INPP5F: variants seen among roughly 807,000 people sequenced by gnomAD.
The protein encoded by INPP5F is phosphatidylinositide 4-phosphatase SAC2.
INPP5F carries 97 observed loss-of-function variants against 137.2 expected under a neutral mutation model. That is an observed-to-expected ratio of 0.71 (90% confidence interval 0.60 to 0.84). INPP5F has a LOEUF of 0.84. INPP5F is among the 40% of genes least tolerant of loss of function. The pLI, the probability that INPP5F is intolerant of heterozygous loss-of-function variation, is 0.00. For missense variants in INPP5F, 1,271 were observed against 1,371.9 expected (o/e 0.93, Z 1.16); for synonymous variants, 504 against 476.9 (o/e 1.06, Z -0.74).
intron 1 of INPP5F, among the ~76,000 whole-genome samples, 197 bp downstream of exon 1, chr10:119,726,556 C>T (rs1019994004): frequency 6.6e-6 from 1 of 152,216 alleles, no homozygotes; most frequent in Non-Finnish European, 1.5e-5. Context: ...GCGCCGAGCC[C>T]CTACCCCAGT....
chr10:119,797,573 A>G lies in INPP5F; in HGVS notation c.981A>G (p.Arg327=). Residue 327 remains arginine, a synonymous_variant, in exon 8 of 20, where the codon CGA becomes CGG. Transcript: ENST00000650623. ...HNHTLSFVQT[R]GSVPVFWSQV... ...ATACCCTGTCATTTGTTCAAACACG[A>G]GGCTCTGTGCCTGTCTTTTGGAGCC... is the stretch of plus-strand genomic sequence containing the variant. The G allele has an allele frequency of 1.2e-6, 2 of 1,613,452 alleles. No homozygotes were observed. Among genetic ancestry groups the G allele is most frequent in the Non-Finnish European group, 1.7e-6 (2 of 1,179,706 alleles).
chr10:119,818,680 C>T (rs1851399225), intron 15 of INPP5F: 1 of 152,352 alleles, frequency 6.6e-6, no homozygotes. Context: ...GACGTGTCCC[C>T]TGGGCGTGAC....
chr10:119,827,317 C>T lies in INPP5F; in HGVS notation c.2936C>T (p.Ser979Phe). Reference protein sequence around the residue: ...NKVTHLSETRSVSQQASQERN... With the variant: ...NKVTHLSETRFVSQQASQERN... ...GTGACCCACCTATCAGAGACCAGAT[C>T]TGTGTCTCAGCAGGCTAGTCAGGAA... Residue 979 changes from serine to phenylalanine, a missense_variant, in exon 20 of 20, where the codon TCT becomes TTT. This residue lies in a region of INPP5F where 490 missense variants were observed against 443.7 expected (regional missense o/e 1.10). Transcript: ENST00000650623. 1 of 1,614,150 alleles carries T rather than the reference C, an allele frequency of 6.2e-7. No individual in the cohort carries two copies. Among genetic ancestry groups the T allele is most frequent in the Non-Finnish European group, 8.5e-7 (1 of 1,180,014 alleles).
chr10:119,796,815 G>A lies in INPP5F; in HGVS notation c.770G>A (p.Ser257Asn), dbSNP rs781106571. The part of the protein sequence containing the change: ...NYTESSDDEK[S>N]SPETPPQEST... ...ACCGAATCATCTGATGATGAGAAAA[G>A]CAGCCCAGAGACCCCCCCTCAGGAG... The change falls in exon 7 of 20, where the codon AGC becomes AAC. Residue 257 changes from serine to asparagine, a missense_variant. Ser to Asn is a conservative substitution (Grantham distance 46). Around this residue, in one of 6 missense-constraint regions of INPP5F, gnomAD observed 593 missense variants for 712.4 expected, o/e 0.83. Coordinates refer to ENST00000650623, the MANE Select transcript of INPP5F (RefSeq NM_014937.4). 3 of 1,613,274 alleles carry A rather than the reference G, an allele frequency of 1.9e-6. No homozygotes were observed. The highest frequency in any genetic ancestry group is 1.3e-5 in the African/African-American group (1 of 74,814).
At chr10:119,775,473 C>T (rs1353781639) in intron 2 of INPP5F, among the ~76,000 whole-genome samples, 3 of 152,044 alleles carry the variant, frequency 2.0e-5, no homozygotes, top group Non-Finnish European at 4.4e-5. Flanking sequence ...CCATATTGCC[C>T]AGGCTGGTCT....
At chr10:119,755,470 C>T (rs985708265) in intron 2 of INPP5F, among the ~76,000 whole-genome samples, 4 of 152,294 alleles carry the variant, frequency 2.6e-5, no homozygotes, top group East Asian at 1.9e-4. Flanking sequence ...TTACCCCCTT[C>T]GAAGACCCTG....
chr10:119,785,569 A>AGAGAGAGAGAGAGAGAGACT (rs1849873696), intron 3 of INPP5F, among the ~76,000 whole-genome samples: 2 of 151,300 alleles, frequency 1.3e-5, no homozygotes, highest in South Asian at 2.1e-4. Context: ...AGAGAGAGAG[A>AGAGAGAGAGAGAGAGAGACT]GAGAGAGAGA....
chr10:119,806,645 G>GA (rs1850801662), intron 12 of INPP5F, among the ~76,000 whole-genome samples, 165 bp downstream of exon 12: 1 of 152,030 alleles, frequency 6.6e-6, no homozygotes, highest in Non-Finnish European at 1.5e-5. Flanking sequence ...AACCTGCACT[G>GA]AAAATCAGTT....
At chr10:119,798,956 G>A (rs1383443595) in intron 9 of INPP5F, among the ~76,000 whole-genome samples, 16 of 151,956 alleles carry the variant, frequency 1.1e-4, no homozygotes. Flanking sequence ...GACTGTGTTT[G>A]GATAGCGTGA....
At chr10:119,786,280 A>T (rs1025219727) in intron 3 of INPP5F, among the ~76,000 whole-genome samples, 2 of 152,152 alleles carry the variant, frequency 1.3e-5, no homozygotes, top group African/African-American at 4.8e-5. Context: ...TGTGATAAGG[A>T]CCTAACCACA....
intron 8 of INPP5F, 98 bp from the exon 9 acceptor site, chr10:119,798,445 G>C: frequency 1.3e-6 from 1 of 787,054 alleles, no homozygotes; most frequent in Non-Finnish European, 2.1e-6. Flanking sequence ...CATTTGGGCT[G>C]TCAATAAATT....
intron 9 of INPP5F, among the ~76,000 whole-genome samples, chr10:119,799,476 T>C (rs1482786948): frequency 2.0e-5 from 3 of 152,144 alleles, no homozygotes; most frequent in African/African-American, 7.2e-5. Flanking sequence ...ATTAAATAGA[T>C]TTCAGTTCTT....
chr10:119,767,649 A>G (rs1396284336), intron 2 of INPP5F, among the ~76,000 whole-genome samples: 1 of 152,222 alleles, frequency 6.6e-6, no homozygotes, highest in Non-Finnish European at 1.5e-5. Context: ...AAAACAATAA[A>G]ATCCATCTAC....
intron 3 of INPP5F, among the ~76,000 whole-genome samples, chr10:119,788,673 AAAG>A (rs1192856601): frequency 1.3e-5 from 2 of 152,212 alleles, no homozygotes; most frequent in Admixed American, 6.5e-5. Flanking sequence ...AATGGATTTA[AAAG>A]AAGATTCTCA....
intron 14 of INPP5F, 54 bp downstream of exon 14, chr10:119,810,271 T>C: frequency 3.2e-6 from 3 of 924,032 alleles, no homozygotes; most frequent in South Asian, 1.4e-5. Context: ...CTGTGACTAA[T>C]ATTTTACAGA....
intron 9 of INPP5F, among the ~76,000 whole-genome samples, chr10:119,803,067 T>C (rs1288166343): frequency 1.3e-5 from 2 of 152,220 alleles, no homozygotes; most frequent in African/African-American, 4.8e-5. Flanking sequence ...TTTTCCGTAT[T>C]GGATTTAGGA....
Position 119,826,618 on chromosome 10 carries a change from T to G in INPP5F, c.2250-13T>G. The G allele has an allele frequency of 6.4e-7, 1 of 1,551,660 alleles. No individual in the cohort carries two copies. The highest frequency in any genetic ancestry group is 8.7e-7 in the Non-Finnish European group (1 of 1,153,910). ...CCATGGGGAATTAACTTTTTTTCTC[T>G]TCTAATTTGTAGGAAGAGCAGTAAA... On this transcript the variant is annotated splice_polypyrimidine_tract_variant and intron_variant, in intron 19 of 19. Coordinates refer to ENST00000650623, the MANE Select transcript of INPP5F (RefSeq NM_014937.4).
intron 1 of INPP5F, among the ~76,000 whole-genome samples, chr10:119,749,165 C>A (rs1426700582): frequency 2.0e-5 from 3 of 152,214 alleles, no homozygotes; most frequent in African/African-American, 7.2e-5. Context: ...GCAGGCACTT[C>A]CGAGCCTGTG....
chr10:119,758,514 T>G (rs17099274), intron 2 of INPP5F, among the ~76,000 whole-genome samples: 6,348 of 152,294 alleles, frequency 0.042, 239 homozygotes, highest in South Asian at 0.22. Context: ...GCTGGAGATT[T>G]AAAATAGATC....
Sources: allele counts gnomAD v4.1 joint callset (sites outside exome capture counted in the v4.1 genomes callset), GRCh38; gene constraint gnomAD v4.1.1; regional missense constraint gnomAD v4.1.1; transcripts MANE v1.5; gene names NCBI Gene and HGNC (gene_info 2026-07-23, HGNC 2026-07-21).